The following PXDNL variants were observed in gnomAD, a reference collection of about 807,000 sequenced individuals.
PXDNL encodes the protein peroxidasin like.
In PXDNL, 145 loss-of-function variants were observed where a neutral mutation model predicts 150.8. The ratio of observed to expected loss-of-function variants is 0.96; its 90% CI spans 0.84 to 1.10. The LOEUF is 1.10. PXDNL is among the 50% of genes least tolerant of loss of function. The pLI is 0.00. For missense variants in PXDNL, 2,087 were observed against 1,873.9 expected (o/e 1.11, Z -2.10); for synonymous variants, 757 against 725.7 (o/e 1.04, Z -0.69).
In PXDNL at chr8:51,425,435, G is replaced by A. The variant is rs555345462; in HGVS notation, c.1638+1211C>T. Among the ~76,000 whole-genome samples the A allele has an allele frequency of 2.6e-5, 4 of 152,228 alleles. No individual in the cohort carries two copies. The South Asian group carries it at 8.3e-4, about 32-fold the overall frequency. On this transcript the variant is annotated intron_variant, in intron 13 of 22. Transcript: ENST00000356297. ...ATAATGATGCATGTCGTACAGTGTC[G>A]AATAAGGCTTTAGAGACTGCCCAAA... is the stretch of plus-strand genomic sequence containing the variant.
intron 1 of PXDNL, among the ~76,000 whole-genome samples, chr8:51,657,643 T>A (rs1219421702): frequency 6.6e-6 from 1 of 152,232 alleles, no homozygotes; most frequent in East Asian, 1.9e-4. Flanking sequence ...ATATTTGGAA[T>A]TGGGATTGCT....
intron 4 of PXDNL, among the ~76,000 whole-genome samples, chr8:51,554,751 C>T (rs1286913816): frequency 1.3e-5 from 2 of 152,196 alleles, no homozygotes; most frequent in Admixed American, 6.5e-5. Context: ...CCTTGTTCCT[C>T]ATTTCTGTCC....
intron 1 of PXDNL, among the ~76,000 whole-genome samples, chr8:51,699,062 T>C (rs1407977025): frequency 6.6e-6 from 1 of 152,186 alleles, no homozygotes; most frequent in African/African-American, 2.4e-5. Flanking sequence ...TTTAACATAA[T>C]TCTTGAGGAC....
chr8:51,792,545 T>C (rs1406758611), intron 1 of PXDNL, among the ~76,000 whole-genome samples: 2 of 152,210 alleles, frequency 1.3e-5, no homozygotes, highest in Non-Finnish European at 2.9e-5. Flanking sequence ...GGAGAGGTGT[T>C]CATCATCACT....
intron 2 of PXDNL, among the ~76,000 whole-genome samples, chr8:51,653,031 C>T (rs1272837534): frequency 1.3e-5 from 2 of 151,992 alleles, no homozygotes; most frequent in Non-Finnish European, 2.9e-5. Flanking sequence ...ATCATATTCA[C>T]AATTTAATCA....
intron 3 of PXDNL, among the ~76,000 whole-genome samples, chr8:51,587,786 T>C (rs1372833262): frequency 6.6e-6 from 1 of 152,184 alleles, no homozygotes; most frequent in Non-Finnish European, 1.5e-5. Flanking sequence ...ATCAAGCATT[T>C]ATTGAGTACC....
chr8:51,639,118 A>C (rs1340704276), intron 2 of PXDNL, among the ~76,000 whole-genome samples: 1 of 152,202 alleles, frequency 6.6e-6, no homozygotes, highest in African/African-American at 2.4e-5. Context: ...ACATAACGAA[A>C]TGAAGGCAGA....
In PXDNL at chr8:51,419,361, A is replaced by AAAG. The variant is rs59031305; in HGVS notation, c.1795+4211_1795+4213dup. Among the ~76,000 whole-genome samples the AAAG allele has an allele frequency of 5.5e-3, 833 of 152,372 alleles. 6 individuals are homozygous for AAAG. Among genetic ancestry groups the AAAG allele is most frequent in the African/African-American group, 0.019 (806 of 41,588 alleles). ...AAGAATTTTATCACAGACATGCTAT[A>AAAG]AAGTGTTTCCTCATTACTGTTGTAC... On this transcript the variant is annotated intron_variant, in intron 14 of 22. Transcript: ENST00000356297.
In PXDNL at chr8:51,426,483, A is replaced by G. The variant is rs999921753; in HGVS notation, c.1638+163T>C. Among the ~76,000 whole-genome samples the G allele has an allele frequency of 2.0e-4, 30 of 152,324 alleles. No individual in the cohort carries two copies. In the East Asian group the frequency reaches 2.7e-3, roughly 14 times the overall value. On this transcript the variant is annotated intron_variant, in intron 13 of 22. Transcript: ENST00000356297. The stretch of plus-strand genomic sequence containing the variant: ...TCAGATAGAGTCACTTAAAAAAAAA[A>G]AAGAAGAAACAGGAAGTAAACCTGC...
chr8:51,431,167 T>G (rs1809237683), intron 12 of PXDNL, among the ~76,000 whole-genome samples: 1 of 152,180 alleles, frequency 6.6e-6, no homozygotes, highest in African/African-American at 2.4e-5. Flanking sequence ...TCATTAGAGT[T>G]GCAAATCTCA....
intron 2 of PXDNL, among the ~76,000 whole-genome samples, chr8:51,595,955 G>A (rs758831319): frequency 1.3e-5 from 2 of 152,012 alleles, no homozygotes; most frequent in Non-Finnish European, 2.9e-5. Context: ...TGTTACCTCG[G>A]TATATTGCAT....
Position 51,809,412 on chromosome 8 carries a change from C to G in PXDNL, c.-68G>C. On this transcript the variant is annotated 5_prime_UTR_variant, in exon 1 of 23. Coordinates refer to ENST00000356297, the MANE Select transcript of PXDNL (RefSeq NM_144651.5). ...AGAGCAGCAGCTGCAGCTGCAGCAGCAACCGCAGTGGTGGTGATGGTGGCT... is the reference window on the plus strand; with the variant it reads ...AGAGCAGCAGCTGCAGCTGCAGCAGGAACCGCAGTGGTGGTGATGGTGGCT... 2 of 1,431,370 alleles carry G rather than the reference C, an allele frequency of 1.4e-6. No individual in the cohort carries two copies. Among genetic ancestry groups the G allele is most frequent in the South Asian group, 1.4e-5 (1 of 70,358 alleles). The allele number at this position is 1,431,370 out of a possible 1,614,324, so 88.7% of individuals were successfully genotyped here.
chr8:51,809,112 C>T, intron 1 of PXDNL, 69 bp downstream of exon 1: 1 of 1,530,508 alleles, frequency 6.5e-7, no homozygotes. Context: ...ATTAAAAGGA[C>T]ACAGGTCCTA....
chr8:51,339,563 T>G (rs1247603568), intron 21 of PXDNL, 61 bp downstream of exon 21: 8 of 1,526,782 alleles, frequency 5.2e-6, no homozygotes, highest in Admixed American at 1.9e-5. Flanking sequence ...TGGACAAATC[T>G]TTTATGTTTA....
intron 21 of PXDNL, among the ~76,000 whole-genome samples, chr8:51,323,775 G>T (rs1805395634): frequency 6.6e-6 from 1 of 151,884 alleles, no homozygotes; most frequent in Non-Finnish European, 1.5e-5. Context: ...AATTAGCCGG[G>T]CGTAGTGGTG....
At chr8:51,591,944 A>G (rs1392670678) in intron 3 of PXDNL, among the ~76,000 whole-genome samples, 1 of 152,140 alleles carries the variant, frequency 6.6e-6, no homozygotes, top group Non-Finnish European at 1.5e-5. Flanking sequence ...ATTTTTTTAA[A>G]AAGAAAGTTG....
At chr8:51,491,183 T>G (rs1810884086) in intron 5 of PXDNL, among the ~76,000 whole-genome samples, 1 of 152,188 alleles carries the variant, frequency 6.6e-6, no homozygotes, top group Admixed American at 6.5e-5. Flanking sequence ...CTGGCTTCCT[T>G]ACTCCTCAGC....
intron 3 of PXDNL, among the ~76,000 whole-genome samples, chr8:51,580,988 C>T (rs1813198726): frequency 1.3e-5 from 2 of 152,100 alleles, no homozygotes. Flanking sequence ...TTTCGCAAAC[C>T]TGAAAAGGAT....
At chr8:51,665,774 T>C (rs985254471) in intron 1 of PXDNL, among the ~76,000 whole-genome samples, 2 of 152,194 alleles carry the variant, frequency 1.3e-5, no homozygotes, top group African/African-American at 4.8e-5. Flanking sequence ...CACTGTCACT[T>C]GCAGTTCTGT....
Sources: gnomAD v4.1 joint callset for allele counts (sites outside exome capture counted in the v4.1 genomes callset) on GRCh38, gnomAD v4.1.1 for gene constraint, MANE v1.5 for transcripts, NCBI Gene and HGNC (gene_info 2026-07-23, HGNC 2026-07-21) for gene names.